The following HMCN2 variants were observed in gnomAD, a reference collection of about 807,000 sequenced individuals.
The protein encoded by HMCN2 is hemicentin-2.
A neutral mutation model predicts 377.5 loss-of-function variants in HMCN2; 325 were observed. The observed-to-expected ratio is 0.86, with a 90% CI of 0.79 to 0.94. The LOEUF is 0.94. Ranked by LOEUF, HMCN2 falls within the 40% of genes least tolerant of loss-of-function variation. The pLI, the probability that HMCN2 is intolerant of heterozygous loss-of-function variation, is 0.00. For missense variants in HMCN2, 4,543 were observed against 4,725.3 expected (o/e 0.96, Z 1.13); for synonymous variants, 2,007 against 2,046.8 (o/e 0.98, Z 0.53).
chr9:130,431,530 G>A (rs1338192503), intron 96 of HMCN2, 44 bp downstream of exon 96: 1 of 1,537,118 alleles, frequency 6.5e-7, no homozygotes, highest in Non-Finnish European at 8.8e-7. Flanking sequence ...GTGGGGCTAG[G>A]GCAGGCAGCG....
Position 130,348,975 on chromosome 9 carries a change from C to T in HMCN2, c.4156-9C>T. ...CTCTTACTGGCTCCCTCTGGCCTCTCCTACCCAGATTCCTAAGGTGGGCGG... is the reference window on the plus strand; with the variant it reads ...CTCTTACTGGCTCCCTCTGGCCTCTTCTACCCAGATTCCTAAGGTGGGCGG... On this transcript the variant is annotated splice_polypyrimidine_tract_variant and intron_variant, in intron 27 of 97. Coordinates refer to ENST00000683500, the MANE Select transcript of HMCN2 (RefSeq NM_001291815.2). 1 of 1,303,740 alleles carries T rather than the reference C, an allele frequency of 7.7e-7. No homozygotes were observed. Among genetic ancestry groups the T allele is most frequent in the African/African-American group, 1.5e-5 (1 of 65,964 alleles). The allele number at this position is 1,303,740 out of a possible 1,614,324, so 80.8% of individuals were successfully genotyped here.
chr9:130,325,545 G>T (rs1838088394), intron 19 of HMCN2, 50 bp from the exon 20 acceptor site: 1 of 152,278 alleles, frequency 6.6e-6, no homozygotes, highest in East Asian at 1.9e-4. Context: ...TGGCCACTGT[G>T]AATGATGCTG....
chr9:130,367,628 G>T (rs1199359777), intron 43 of HMCN2, among the ~76,000 whole-genome samples: 1 of 151,964 alleles, frequency 6.6e-6, no homozygotes, highest in Non-Finnish European at 1.5e-5. Flanking sequence ...TGTGTGCCAG[G>T]CCCTGGGGAG....
In HMCN2 at chr9:130,412,567, C is replaced by CTTTTTT. The variant is rs55873444; in HGVS notation, c.12961+1923_12961+1928dup. On this transcript the variant is annotated intron_variant, in intron 85 of 97. Transcript: ENST00000683500. ...CTTTTCTTTTCTTTTCTTTCTTTCT[C>CTTTTTT]TTTTTTTTTTTTTGTTTTAATATTT... 8.0e-3 allele frequency among the ~76,000 whole-genome samples: 1,073 copies of CTTTTTT among 134,494 alleles called. 19 individuals are homozygous for CTTTTTT. Among genetic ancestry groups the CTTTTTT allele is most frequent in the East Asian group, 0.059 (266 of 4,518 alleles). 88.2% of individuals were successfully genotyped at this position (134,494 alleles called of 152,430 possible). A position where few individuals can be genotyped will look rare whatever the true frequency, so the allele number is the denominator to read the frequency against.
chr9:130,337,336 G>T (rs919283095), intron 22 of HMCN2, among the ~76,000 whole-genome samples: 2 of 152,154 alleles, frequency 1.3e-5, no homozygotes, highest in South Asian at 4.1e-4. Flanking sequence ...GGACGTAAGA[G>T]CACCAAGCGA....
In HMCN2 at chr9:130,405,952, C is replaced by T. The variant is rs111840606; in HGVS notation, c.12340-3C>T. On this transcript the variant is annotated splice_polypyrimidine_tract_variant and splice_region_variant and intron_variant, in intron 81 of 97. Transcript: ENST00000683500. The stretch of plus-strand genomic sequence containing the variant: ...TCCGGCCAACCCCTTTCTTTGCTCA[C>T]AGGGCCAGGACGCAGGCACCTATAC... 7.8e-7 allele frequency: 1 copy of T among 1,281,468 alleles called. No homozygotes were observed. Among genetic ancestry groups the T allele is most frequent in the African/African-American group, 1.5e-5 (1 of 65,818 alleles). The allele number at this position is 1,281,468 out of a possible 1,614,324, so 79.4% of individuals were successfully genotyped here. A position where few individuals can be genotyped will look rare whatever the true frequency, so the allele number is the denominator to read the frequency against.
At chr9:130,402,510 A>G (rs1308995937) in intron 77 of HMCN2, among the ~76,000 whole-genome samples, 1 of 152,194 alleles carries the variant, frequency 6.6e-6, no homozygotes, top group East Asian at 1.9e-4. Flanking sequence ...TCACAGCCTA[A>G]AGGGTCTAGA....
At chr9:130,412,529 A>G (rs1843475084) in intron 85 of HMCN2, among the ~76,000 whole-genome samples, 1 of 150,238 alleles carries the variant, frequency 6.7e-6, no homozygotes, top group African/African-American at 2.4e-5. Flanking sequence ...GCCTAATCTA[A>G]GGTCGTCTTT....
At chr9:130,314,885 G>A (rs1004004529) in intron 15 of HMCN2, among the ~76,000 whole-genome samples, 7 of 152,216 alleles carry the variant, frequency 4.6e-5, no homozygotes, top group Non-Finnish European at 1.0e-4. Context: ...GAGTGAGGAT[G>A]GGACTCATTC....
chr9:130,406,249 A>C (rs918099433), intron 82 of HMCN2, 81 bp downstream of exon 82: 3 of 1,158,588 alleles, frequency 2.6e-6, no homozygotes, highest in Middle Eastern at 2.3e-4. Flanking sequence ...GGGAGACCCA[A>C]CCTAGTGGAA....
chr9:130,418,185 C>T (rs943090603), intron 85 of HMCN2, among the ~76,000 whole-genome samples: 3 of 152,200 alleles, frequency 2.0e-5, no homozygotes, highest in Non-Finnish European at 4.4e-5. Context: ...CCAATACAGT[C>T]AGGCAATAGA....
rs927218126 is a variant in HMCN2, at chr9:130,327,124, G to C, written c.3194-186G>C. 3.9e-3 allele frequency among the ~76,000 whole-genome samples: 598 copies of C among 152,116 alleles called. 5 individuals are homozygous for C. Among genetic ancestry groups the C allele is most frequent in the African/African-American group, 0.014 (564 of 41,474 alleles). ...GGGGAGGACTGAGTGAAAACCCTGG[G>C]ACCTGAGTCCCACCTCCAATCTGGA... On this transcript the variant is annotated intron_variant, in intron 21 of 97. Coordinates refer to ENST00000683500, the MANE Select transcript of HMCN2 (RefSeq NM_001291815.2).
chr9:130,345,859 G>A (rs1327773435), intron 25 of HMCN2, among the ~76,000 whole-genome samples: 3 of 151,864 alleles, frequency 2.0e-5, no homozygotes, highest in Non-Finnish European at 4.4e-5. Context: ...TTTACGGTGG[G>A]CGGTCAGGGT....
chr9:130,370,013 A>C (rs1840928750), intron 45 of HMCN2, among the ~76,000 whole-genome samples, 162 bp downstream of exon 45: 1 of 152,058 alleles, frequency 6.6e-6, no homozygotes, highest in Non-Finnish European at 1.5e-5. Context: ...GGAGCCACCA[A>C]CACTGCTCTC....
At chr9:130,431,163 G>T in intron 95 of HMCN2, 1 of 603,890 alleles carries the variant, frequency 1.7e-6, no homozygotes, top group Non-Finnish European at 2.9e-6. Context: ...GTGAGCACGG[G>T]GTAGGTAAGG....
At chr9:130,289,246 T>G (rs1201227809) in intron 4 of HMCN2, among the ~76,000 whole-genome samples, 5 of 152,198 alleles carry the variant, frequency 3.3e-5, no homozygotes, top group Non-Finnish European at 5.9e-5. Context: ...CTTCCCATGT[T>G]CAGCACCAGC....
chr9:130,399,603 C>T lies in HMCN2; in HGVS notation c.11576C>T (p.Ala3859Val), dbSNP rs1430510815. Residue 3859 changes from alanine to valine, a missense_variant, in exon 76 of 98, where the codon GCC becomes GTC. This residue lies in a region of HMCN2 where 1,073 missense variants were observed against 1,319.5 expected (regional missense o/e 0.81). Transcript: ENST00000683500. ...GTGGTGAGCAATGAGGTGGGCGAGG[C>T]CCACAGGCTCTACCAGGTGACCGTC... ...ECVVSNEVGEAHRLYQVTVHV... is the reference protein window; with the variant it reads ...ECVVSNEVGEVHRLYQVTVHV... 10 of 1,289,666 alleles carry T rather than the reference C, an allele frequency of 7.8e-6. No homozygotes were observed. The highest frequency in any genetic ancestry group is 1.5e-5 in the African/African-American group (1 of 65,864). The allele number at this position is 1,289,666 out of a possible 1,614,324, so 79.9% of individuals were successfully genotyped here. A position where few individuals can be genotyped will look rare whatever the true frequency, so the allele number is the denominator to read the frequency against.
At chr9:130,415,103 G>A (rs1843615773) in intron 85 of HMCN2, among the ~76,000 whole-genome samples, 1 of 152,192 alleles carries the variant, frequency 6.6e-6, no homozygotes, top group Admixed American at 6.5e-5. Flanking sequence ...GGGTGTCCAT[G>A]GAGGCCACGT....
chr9:130,402,890 G>T lies in HMCN2; in HGVS notation c.11872G>T (p.Val3958Leu), dbSNP rs1842922598. 1 of 1,289,450 alleles carries T rather than the reference G, an allele frequency of 7.8e-7. No homozygotes were observed. Among genetic ancestry groups the T allele is most frequent in the Non-Finnish European group, 1.0e-6 (1 of 988,818 alleles). The allele number at this position is 1,289,450 out of a possible 1,614,324, so 79.9% of individuals were successfully genotyped here. Residue 3958 changes from valine to leucine, a missense_variant, in exon 78 of 98, where the codon GTG becomes TTG. Val to Leu is a conservative substitution (Grantham distance 32, BLOSUM62 1). This residue lies in a region of HMCN2 where 1,073 missense variants were observed against 1,319.5 expected (regional missense o/e 0.81). Transcript: ENST00000683500. Reference protein sequence around the residue: ...GVAHKHVFLTVQASPVVKPLP... With the variant: ...GVAHKHVFLTLQASPVVKPLP... ...AGCCCACAAGCACGTCTTCCTCACT[G>T]TGCAAGGTAAGGGTCCGTGGTCCAG...
Sources: gnomAD v4.1 joint callset for allele counts (sites outside exome capture counted in the v4.1 genomes callset) on GRCh38, gnomAD v4.1.1 for gene constraint, gnomAD v4.1.1 regional missense constraint, MANE v1.5 for transcripts, NCBI Gene and HGNC (gene_info 2026-07-23, HGNC 2026-07-21) for gene names.